The following WDR33 variants were observed in gnomAD, a reference collection of about 807,000 sequenced individuals.
WDR33 encodes WD repeat domain 33, also known as pre-mRNA 3' end processing protein WDR33.
Under a neutral mutation model 164.9 loss-of-function variants are expected in WDR33, and 47 were observed. The observed-to-expected ratio is 0.29, with a 90% CI of 0.23 to 0.36. The LOEUF is 0.36. WDR33 is among the 10% of genes least tolerant of loss of function. The pLI, the probability that WDR33 is intolerant of heterozygous loss-of-function variation, is 1.00. For missense variants in WDR33, 1,137 were observed against 1,754.1 expected, an observed-to-expected ratio of 0.65 and a Z score of 6.28; for synonymous variants, 505 against 589.0, an observed-to-expected ratio of 0.86 and a Z score of 2.06.
At chr2:127,790,168 T>C (rs1688794922) in intron 1 of WDR33, among the ~76,000 whole-genome samples, 1 of 152,166 alleles carries the variant, frequency 6.6e-6, no homozygotes, top group South Asian at 2.1e-4. Flanking sequence ...ATACTGGAGT[T>C]TGTCAAATAC....
Position 127,735,511 on chromosome 2 carries a change from G to A in WDR33, c.725-8734C>T, listed in dbSNP as rs973294783. ...TTCTTTTATACAAAACTTATAAAAAGCACCAAGATTTTCTAATACAGGAAG... is the reference window on the plus strand; with the variant it reads ...TTCTTTTATACAAAACTTATAAAAAACACCAAGATTTTCTAATACAGGAAG... On this transcript the variant is annotated intron_variant, in intron 7 of 21. Transcript: ENST00000322313. The surrounding 1 kb of genome is among the most constrained non-coding windows in gnomAD (Gnocchi z 4.3). 1.1e-4 allele frequency: 106 copies of A among 985,262 alleles called. No homozygotes were observed. Among genetic ancestry groups the A allele is most frequent in the Non-Finnish European group, 1.0e-4 (87 of 829,618 alleles). The allele number at this position is 985,262 out of a possible 1,614,324, so 61.0% of individuals were successfully genotyped here.
At position 127,771,719 on chromosome 2, in the gene WDR33, A is replaced by T. The variant is rs13406966; in HGVS notation, c.-23-715T>A. On this transcript the variant is annotated intron_variant, in intron 1 of 21. Transcript: ENST00000322313. ...CTTGAGTCCAGAATTTTGAGGTTGC[A>T]CTGAGCCATGATCATGCCACCGCAC... Among the ~76,000 whole-genome samples the T allele has an allele frequency of 7.1e-3, 1,056 of 148,374 alleles. 10 individuals carry two copies. Among genetic ancestry groups the T allele is most frequent in the African/African-American group, 0.025 (1,004 of 40,688 alleles).
chr2:127,738,089 T>C lies in WDR33; in HGVS notation c.725-11312A>G, dbSNP rs1573901855. ...CAAGAAGGGTGCATGAACTCTTAAATACTGTGCAGGCAGGTATCTATCACA... is the reference window on the plus strand; with the variant it reads ...CAAGAAGGGTGCATGAACTCTTAAACACTGTGCAGGCAGGTATCTATCACA... On this transcript the variant is annotated intron_variant, in intron 7 of 21. Coordinates refer to ENST00000322313, the MANE Select transcript of WDR33 (RefSeq NM_018383.5). The surrounding 1 kb of genome is among the most constrained non-coding windows in gnomAD (Gnocchi z 4.4). 6.3e-7 allele frequency: 1 copy of C among 1,598,730 alleles called. No homozygotes were observed. The highest frequency in any genetic ancestry group is 2.3e-5 in the East Asian group (1 of 44,002).
Position 127,702,038 on chromosome 2 carries a change from G to A in WDR33, c.*4285C>T. ...GCCTTCGCAGCACGCTGCTCACGGT[G>A]CTGGGCGCGGGCGCGCAGGTGGCCG... is the stretch of plus-strand genomic sequence containing the variant. On this transcript the variant is annotated 3_prime_UTR_variant, in exon 22 of 22. Coordinates refer to ENST00000322313, the MANE Select transcript of WDR33 (RefSeq NM_018383.5). The A allele has an allele frequency of 1.6e-6, 2 of 1,241,736 alleles. No homozygotes were observed. Among genetic ancestry groups the A allele is most frequent in the Admixed American group, 8.5e-5 (2 of 23,536 alleles). 76.9% of individuals were successfully genotyped at this position (1,241,736 alleles called of 1,614,324 possible). A position where few individuals can be genotyped will look rare whatever the true frequency, so the allele number is the denominator to read the frequency against.
chr2:127,711,780 A>ATATATTTTTTTTTTTT lies in WDR33; in HGVS notation c.3308+1802_3308+1803insAAAAAAAAAAAATATA. Among the ~76,000 whole-genome samples, 10 of 88,308 alleles carry ATATATTTTTTTTTTTT rather than the reference A, an allele frequency of 1.1e-4. No homozygotes were observed. In the East Asian group the frequency reaches 1.4e-3, roughly 13 times the overall value. 57.9% of individuals were successfully genotyped at this position (88,308 alleles called of 152,430 possible). On this transcript the variant is annotated intron_variant, in intron 18 of 21. Coordinates refer to ENST00000322313, the MANE Select transcript of WDR33 (RefSeq NM_018383.5). ...TATATATATATATATATATATATATATTTTTTTTTTGAGACAGAGTCTCGC... is the reference window on the plus strand; with the variant it reads ...TATATATATATATATATATATATATATATATTTTTTTTTTTTTTTTTTTTTTGAGACAGAGTCTCGC...
Position 127,723,651 on chromosome 2 carries a change from C to G in WDR33, c.1197-304G>C, listed in dbSNP as rs1401978478. Among the ~76,000 whole-genome samples the G allele has an allele frequency of 1.3e-5, 2 of 151,602 alleles. No individual in the cohort carries two copies. The highest frequency in any genetic ancestry group is 4.9e-5 in the African/African-American group (2 of 41,216). ...TGGCACACACCTGTAGTCTCAGCTA[C>G]TCACGAGGATAAGGCGGGAAGATGG... On this transcript the variant is annotated intron_variant, in intron 11 of 21. Transcript: ENST00000322313. This position sits in a 1 kb window ranked among gnomAD's most constrained non-coding sequence, Gnocchi z 5.9.
intron 1 of WDR33, among the ~76,000 whole-genome samples, chr2:127,792,690 A>T (rs1688881817): frequency 6.6e-6 from 1 of 152,138 alleles, no homozygotes; most frequent in Non-Finnish European, 1.5e-5. Flanking sequence ...AGAAAAAAAA[A>T]AGGTATTATT....
intron 1 of WDR33, among the ~76,000 whole-genome samples, chr2:127,778,439 GAA>G (rs5834186): frequency 2.2e-4 from 27 of 123,786 alleles, no homozygotes; most frequent in East Asian, 4.7e-4. Flanking sequence ...TCCATCTCAA[GAA>G]AAAAAAAAAA....
Position 127,723,202 on chromosome 2 carries a change from C to T in WDR33, c.1291+51G>A. On this transcript the variant is annotated intron_variant, in intron 12 of 21. Coordinates refer to ENST00000322313, the MANE Select transcript of WDR33 (RefSeq NM_018383.5). The surrounding 1 kb of genome is among the most constrained non-coding windows in gnomAD (Gnocchi z 5.9). ...ATAATCTTCCCAACATCTAACACTT[C>T]TGTAATAGAATACCAGATTTCAAAG... 6.5e-7 allele frequency: 1 copy of T among 1,542,034 alleles called. No homozygotes were observed. Among genetic ancestry groups the T allele is most frequent in the Non-Finnish European group, 8.9e-7 (1 of 1,125,816 alleles).
At chr2:127,806,904 A>T (rs1689459210) in intron 1 of WDR33, among the ~76,000 whole-genome samples, 1 of 152,154 alleles carries the variant, frequency 6.6e-6, no homozygotes, top group Non-Finnish European at 1.5e-5. Context: ...GAAAGGGAGG[A>T]TATAGAGTTA....
At chr2:127,743,229 T>G (rs1203906848) in intron 7 of WDR33, among the ~76,000 whole-genome samples, 1 of 152,206 alleles carries the variant, frequency 6.6e-6, no homozygotes, top group African/African-American at 2.4e-5. Context: ...ATTGAAAAAT[T>G]AAAAACCTAA....
Position 127,734,082 on chromosome 2 carries a change from G to A in WDR33, c.725-7305C>T, listed in dbSNP as rs143228010. ...AACTGTAACTGAAGAGCTTGTATAT[G>A]ACAACTTCTATACTCCTTTCCACCT... is the stretch of plus-strand genomic sequence containing the variant. On this transcript the variant is annotated intron_variant, in intron 7 of 21. Transcript: ENST00000322313. 1.9e-4 allele frequency among the ~76,000 whole-genome samples: 29 copies of A among 152,226 alleles called. No homozygotes were observed. In the East Asian group the frequency reaches 5.6e-3, roughly 29 times the overall value.
In WDR33 at chr2:127,715,715, C is replaced by T. The variant is rs147568114; in HGVS notation, c.2869+1440G>A. 2.9e-4 allele frequency among the ~76,000 whole-genome samples: 44 copies of T among 152,258 alleles called. No homozygotes were observed. In the East Asian group the frequency reaches 8.1e-3, roughly 28 times the overall value. ...TGGTGTAAGGAAGCTAAACATTTTC[C>T]GTTTGGACTTACCTATGAATATTAA... On this transcript the variant is annotated intron_variant, in intron 17 of 21. Transcript: ENST00000322313.
chr2:127,756,005 TCTCAGAAATTG>T (rs961448424), intron 7 of WDR33, among the ~76,000 whole-genome samples: 104 of 152,238 alleles, frequency 6.8e-4, no homozygotes, highest in African/African-American at 2.5e-3. Flanking sequence ...CATAGGTGCT[TCTCAGAAATTG>T]CTGAGCTACA....
In WDR33 at chr2:127,701,447, T is replaced by C. The variant is rs1377479891; in HGVS notation, c.*4876A>G. 8 of 1,214,468 alleles carry C rather than the reference T, an allele frequency of 6.6e-6. No homozygotes were observed. Among genetic ancestry groups the C allele is most frequent in the African/African-American group, 1.6e-5 (1 of 63,446 alleles). 75.2% of individuals were successfully genotyped at this position (1,214,468 alleles called of 1,614,324 possible). On this transcript the variant is annotated 3_prime_UTR_variant, in exon 22 of 22. Coordinates refer to ENST00000322313, the MANE Select transcript of WDR33 (RefSeq NM_018383.5). Reference sequence around the variant, plus strand: ...TGCCCCTTTCGCCGTCGCCGACCAATTGCCGCCCGAAGACCGAACCGCTTC... The same window carrying C: ...TGCCCCTTTCGCCGTCGCCGACCAACTGCCGCCCGAAGACCGAACCGCTTC...
At chr2:127,786,844 CTT>C (rs71307273) in intron 1 of WDR33, among the ~76,000 whole-genome samples, 2,497 of 111,836 alleles carry the variant, frequency 0.022, 68 homozygotes, top group African/African-American at 0.072. Flanking sequence ...CCTTTCTGTT[CTT>C]TTTTTTTTTT....
chr2:127,762,139 A>G (rs1251010521), intron 7 of WDR33, among the ~76,000 whole-genome samples: 2 of 152,132 alleles, frequency 1.3e-5, no homozygotes, highest in Non-Finnish European at 2.9e-5. Flanking sequence ...CACCCGTAGC[A>G]CCCATCCTCC....
chr2:127,748,999 G>A (rs1001532805), intron 7 of WDR33, among the ~76,000 whole-genome samples: 1 of 151,524 alleles, frequency 6.6e-6, no homozygotes, highest in Non-Finnish European at 1.5e-5. Flanking sequence ...TTTGATGAAA[G>A]ATTTTTAAAA....
intron 1 of WDR33, among the ~76,000 whole-genome samples, chr2:127,797,846 T>C (rs1047465756): frequency 6.6e-6 from 1 of 152,010 alleles, no homozygotes; most frequent in African/African-American, 2.4e-5. Context: ...ACCCTGTCTC[T>C]ACCAAAAACA....
Sources: gnomAD v4.1 joint callset for allele counts (sites outside exome capture counted in the v4.1 genomes callset) on GRCh38, gnomAD v4.1.1 for gene constraint, Gnocchi (gnomAD v3.1) non-coding constraint, MANE v1.5 for transcripts, NCBI Gene and HGNC (gene_info 2026-07-23, HGNC 2026-07-21) for gene names.